Variants in CHD2 observed in about 807,000 individuals in gnomAD.
CHD2 encodes the protein chromodomain helicase DNA binding protein 2.
In CHD2, 28 loss-of-function variants were observed where a neutral mutation model predicts 243.9. That is an observed-to-expected ratio of 0.11 (90% CI 0.09 to 0.16). The LOEUF is 0.16. Among genes scored for constraint, CHD2 ranks in the 10% least tolerant of loss-of-function variants. The pLI, the probability that CHD2 is intolerant of heterozygous loss-of-function variation, is 1.00. For synonymous variants in CHD2, 775 were observed against 779.0 expected (o/e 0.99, Z 0.09); for missense variants, 1,386 against 2,209.8 (o/e 0.63, Z 7.47).
chr15:93,023,668 G>GTTT (rs372258934), intron 38 of CHD2, among the ~76,000 whole-genome samples: 43 of 138,270 alleles, frequency 3.1e-4, no homozygotes, highest in Admixed American at 7.8e-4. Context: ...TATTTCCTGG[G>GTTT]TTTTTTTTTT....
intron 2 of CHD2, chr15:92,904,589 G>A (rs886727257): frequency 2.8e-6 from 3 of 1,074,420 alleles, no homozygotes; most frequent in East Asian, 7.6e-5. Flanking sequence ...GCCTGTAGCG[G>A]TCCGCACCCT....
At position 92,906,737 on chromosome 15, in the gene CHD2, T is replaced by A. The variant is rs569026143; in HGVS notation, c.62+5438T>A. ...TGGTAACCTTAGAACTTTGCTTCCT[T>A]GAAGAACTTGGCTTTCTTGATATGG... On this transcript the variant is annotated intron_variant, in intron 2 of 38. Transcript: ENST00000394196. 1.3e-4 allele frequency among the ~76,000 whole-genome samples: 19 copies of A among 151,410 alleles called. No individual in the cohort carries two copies. In the South Asian group the frequency reaches 4.0e-3, roughly 32 times the overall value.
At chr15:93,022,559 A>G (rs1194331854) in intron 38 of CHD2, among the ~76,000 whole-genome samples, 1 of 152,178 alleles carries the variant, frequency 6.6e-6, no homozygotes, top group Non-Finnish European at 1.5e-5. Context: ...TGTTACCTTC[A>G]GTCTTTTCGG....
Position 92,997,122 on chromosome 15 carries a change from G to A in CHD2, c.3734+27G>A, listed in dbSNP as rs1301761855. 2.5e-6 allele frequency: 4 copies of A among 1,606,792 alleles called. No individual in the cohort carries two copies. Among genetic ancestry groups the A allele is most frequent in the Non-Finnish European group, 2.5e-6 (3 of 1,177,852 alleles). The stretch of plus-strand genomic sequence containing the variant: ...TGAGTATATTTTGTGTACATGCTTA[G>A]ATGGTCGTACCGTAAGAAAATAGAT... On this transcript the variant is annotated intron_variant, in intron 29 of 38. Coordinates refer to ENST00000394196, the MANE Select transcript of CHD2 (RefSeq NM_001271.4). This position sits in a 1 kb window ranked among gnomAD's most constrained non-coding sequence, Gnocchi z 4.1.
At chr15:92,914,051 G>C (rs1290951762) in intron 2 of CHD2, among the ~76,000 whole-genome samples, 1 of 152,118 alleles carries the variant, frequency 6.6e-6, no homozygotes, top group Non-Finnish European at 1.5e-5. Flanking sequence ...TTTGAACTTT[G>C]GGAGTTGCTG....
At chr15:93,018,589 C>T (rs1326247318) in intron 37 of CHD2, among the ~76,000 whole-genome samples, 1 of 152,188 alleles carries the variant, frequency 6.6e-6, no homozygotes, top group Non-Finnish European at 1.5e-5. Flanking sequence ...AAACATCAAA[C>T]ATTTATTTTC....
intron 12 of CHD2, among the ~76,000 whole-genome samples, chr15:92,948,210 G>T (rs2053501436): frequency 6.6e-6 from 1 of 152,122 alleles, no homozygotes; most frequent in Non-Finnish European, 1.5e-5. Flanking sequence ...CGCAATTAAA[G>T]GGTTTAAGGT....
intron 5 of CHD2, among the ~76,000 whole-genome samples, chr15:92,934,331 C>T (rs1401695486): frequency 6.6e-6 from 1 of 152,292 alleles, no homozygotes; most frequent in Non-Finnish European, 1.5e-5. Context: ...TTTACATTGC[C>T]TTGGGGCCTC....
At position 92,967,273 on chromosome 15, in the gene CHD2, A is replaced by C. The variant is rs1157824680; in HGVS notation, c.2001-52A>C. Reference sequence around the variant, plus strand: ...TCATTTTTTTACAGTTTTTTTTCCTATTCTTCTTTTCCTCAATGTGGCTAA... The same window carrying C: ...TCATTTTTTTACAGTTTTTTTTCCTCTTCTTCTTTTCCTCAATGTGGCTAA... On this transcript the variant is annotated intron_variant, in intron 16 of 38. Transcript: ENST00000394196. 1.5e-5 allele frequency: 20 copies of C among 1,312,928 alleles called. No individual in the cohort carries two copies. In the Admixed American group the frequency reaches 4.9e-4, roughly 32 times the overall value. 81.3% of individuals were successfully genotyped at this position (1,312,928 alleles called of 1,614,324 possible).
intron 26 of CHD2, among the ~76,000 whole-genome samples, chr15:92,988,965 C>T (rs2054080497): frequency 2.0e-5 from 3 of 150,132 alleles, no homozygotes; most frequent in African/African-American, 7.4e-5. Flanking sequence ...ACATGCTAGA[C>T]TTCCTTAGGG....
chr15:92,991,538 C>A, intron 27 of CHD2, 21 bp downstream of exon 27: 1 of 1,562,350 alleles, frequency 6.4e-7, no homozygotes, highest in Non-Finnish European at 8.7e-7. Flanking sequence ...TGTAATAGTC[C>A]CTTATCTTCC....
At chr15:92,978,456 G>A (rs1392510215) in intron 21 of CHD2, 73 bp downstream of exon 21, 2 of 1,472,338 alleles carry the variant, frequency 1.4e-6, no homozygotes, top group African/African-American at 1.4e-5. Context: ...CTTTCAGGAT[G>A]TTAATAAAAT....
At chr15:92,961,876 C>CTTTTTTTTTTTTTTTTTTTTTTT (rs3064790) in intron 16 of CHD2, among the ~76,000 whole-genome samples, 7 of 78,634 alleles carry the variant, frequency 8.9e-5, no homozygotes, top group Non-Finnish European at 1.4e-4. Context: ...TTTTTCTTCT[C>CTTTTTTTTTTTTTTTTTTTTTTT]TTTTTTTTTT....
At chr15:92,989,683 A>G (rs956359046) in intron 26 of CHD2, among the ~76,000 whole-genome samples, 34 of 152,202 alleles carry the variant, frequency 2.2e-4, no homozygotes, top group Admixed American at 1.4e-3. Flanking sequence ...TCTGGAAGGC[A>G]ATTGACAACT....
intron 2 of CHD2, among the ~76,000 whole-genome samples, chr15:92,904,060 A>C (rs1210849076): frequency 2.6e-5 from 4 of 152,222 alleles, no homozygotes; most frequent in Admixed American, 2.6e-4. Flanking sequence ...TAGAAATCTG[A>C]AATACCAAAG....
At chr15:92,913,447 G>T (rs2052777977) in intron 2 of CHD2, among the ~76,000 whole-genome samples, 2 of 152,178 alleles carry the variant, frequency 1.3e-5, no homozygotes, top group African/African-American at 4.8e-5. Context: ...TCACTCTGGG[G>T]GTGGGGGTGT....
chr15:92,991,366 C>T (rs2054117481), intron 26 of CHD2, 110 bp from the exon 27 acceptor site: 1 of 677,916 alleles, frequency 1.5e-6, no homozygotes, highest in Admixed American at 3.2e-5. Flanking sequence ...TGAGTCCACT[C>T]TATTTTTGAC....
intron 2 of CHD2, among the ~76,000 whole-genome samples, chr15:92,916,407 CATTTT>C (rs1219219516): frequency 6.6e-6 from 1 of 152,198 alleles, no homozygotes; most frequent in Non-Finnish European, 1.5e-5. Context: ...GAATATTTCA[CATTTT>C]ACTTTTACAT....
rs1479536490 is a variant in CHD2 at position 93,024,408 on chromosome 15, A to C, written c.5190A>C (p.Glu1730Asp). The C allele has an allele frequency of 6.2e-7, 1 of 1,613,996 alleles. No homozygotes were observed. The highest frequency in any genetic ancestry group is 8.5e-7 in the Non-Finnish European group (1 of 1,180,024). The change falls in exon 39 of 39, where the codon GAA (glutamate) becomes GAC (aspartate). Residue 1730 changes from glutamate (E) to aspartate (D), a missense_variant. Transcript: ENST00000394196. ...ACTCCAAGCGGAGGAGATCCGATGA[A>C]TTTAGGCCTCAAAATTACCACCAGC... ...HHDSKRRRSD[E>D]FRPQNYHQQD... is the part of the protein sequence containing the mutation.
Sources: gnomAD v4.1 joint callset for allele counts (sites outside exome capture counted in the v4.1 genomes callset) on GRCh38, gnomAD v4.1.1 for gene constraint, Gnocchi (gnomAD v3.1) non-coding constraint, MANE v1.5 for transcripts, NCBI Gene and HGNC (gene_info 2026-07-23, HGNC 2026-07-21) for gene names.